SGCZ: variants seen among roughly 807,000 people sequenced by gnomAD.
SGCZ encodes sarcoglycan zeta.
SGCZ carries 40 observed loss-of-function variants against 41.3 expected under a neutral mutation model. The ratio of observed to expected loss-of-function variants is 0.97; its 90% CI spans 0.75 to 1.26. The LOEUF (loss-of-function observed/expected upper bound fraction) is 1.26, where lower values mean the gene tolerates loss of function less well. SGCZ is among the 50% of genes most tolerant of loss of function. SGCZ has a pLI of 0.00. For synonymous variants in SGCZ, 206 were observed against 137.5 expected, an observed-to-expected ratio of 1.50 and a Z score of -3.49; for missense variants, 552 against 369.8, an observed-to-expected ratio of 1.49 and a Z score of -4.04.
chr8:14,899,867 A>AGAAGAAGAAGAAGAG (rs754251454), intron 1 of SGCZ, among the ~76,000 whole-genome samples: 1 of 151,692 alleles, frequency 6.6e-6, no homozygotes, highest in African/African-American at 2.4e-5. Context: ...AAGAAGAAGA[A>AGAAGAAGAAGAAGAG]GAGGAGGAGG....
In SGCZ at chr8:14,089,061, C is replaced by G. The variant is rs1468486503; in HGVS notation, c.*1382G>C. ...CTTAATACAGTTTTACATTCTTTGA[C>G]TCTGTAAGTTTCAAGAGTTTGAGTT... is the stretch of plus-strand genomic sequence containing the variant. On this transcript the variant is annotated 3_prime_UTR_variant, in exon 8 of 8. Transcript: ENST00000382080. Among the ~76,000 whole-genome samples, 1 of 151,924 alleles carries G rather than the reference C, an allele frequency of 6.6e-6. No homozygotes were observed. Among genetic ancestry groups the G allele is most frequent in the Non-Finnish European group, 1.5e-5 (1 of 67,924 alleles).
chr8:15,171,251 G>C (rs1398749131), intron 1 of SGCZ, among the ~76,000 whole-genome samples: 9 of 152,140 alleles, frequency 5.9e-5, no homozygotes, highest in South Asian at 4.1e-4. Flanking sequence ...TATTTTAAAA[G>C]CTTAAAGTTG....
At chr8:14,933,367 G>A (rs551446458) in intron 1 of SGCZ, among the ~76,000 whole-genome samples, 15 of 151,436 alleles carry the variant, frequency 9.9e-5, no homozygotes, top group South Asian at 2.1e-4. Context: ...TGAGCTCTCT[G>A]CAAAAATGGA....
chr8:14,665,147 T>G (rs1563188370), intron 1 of SGCZ, among the ~76,000 whole-genome samples: 1 of 152,210 alleles, frequency 6.6e-6, no homozygotes, highest in South Asian at 2.1e-4. Context: ...TATCTCCTAA[T>G]GCTATCCCTC....
At chr8:14,149,751 G>GTAA (rs1349289983) in intron 5 of SGCZ, among the ~76,000 whole-genome samples, 1 of 151,706 alleles carries the variant, frequency 6.6e-6, no homozygotes, top group Non-Finnish European at 1.5e-5. Flanking sequence ...TGAAACTGGA[G>GTAA]TAATACATCA....
chr8:14,252,986 T>C (rs1259231940), intron 3 of SGCZ, among the ~76,000 whole-genome samples: 3 of 152,194 alleles, frequency 2.0e-5, no homozygotes, highest in African/African-American at 7.2e-5. Context: ...TTTCAGAACA[T>C]ACAGCCTGTG....
chr8:14,630,107 C>G (rs573770937), intron 1 of SGCZ, among the ~76,000 whole-genome samples: 12 of 152,226 alleles, frequency 7.9e-5, no homozygotes, highest in African/African-American at 2.9e-4. Flanking sequence ...TTGTTAGTTT[C>G]TTGCCTCATC....
chr8:14,865,920 G>C (rs111259651), intron 1 of SGCZ, among the ~76,000 whole-genome samples: 2,181 of 152,104 alleles, frequency 0.014, 59 homozygotes, highest in African/African-American at 0.049. Flanking sequence ...CGACACCTTG[G>C]GGACCCCTTG....
chr8:14,240,396 T>G (rs1308702842), intron 3 of SGCZ, among the ~76,000 whole-genome samples: 1 of 151,670 alleles, frequency 6.6e-6, no homozygotes, highest in African/African-American at 2.4e-5. Flanking sequence ...GCATCTTTGT[T>G]TGCAACATAG....
At chr8:14,848,214 C>T (rs955515205) in intron 1 of SGCZ, among the ~76,000 whole-genome samples, 4 of 151,780 alleles carry the variant, frequency 2.6e-5, no homozygotes, top group Non-Finnish European at 2.9e-5. Flanking sequence ...TGAAAGAGGG[C>T]AAAATAAAGG....
chr8:14,337,985 T>C (rs986036759), intron 2 of SGCZ, among the ~76,000 whole-genome samples: 1 of 152,168 alleles, frequency 6.6e-6, no homozygotes, highest in Non-Finnish European at 1.5e-5. Context: ...TAATAACTCT[T>C]GCTGTCCATG....
intron 2 of SGCZ, among the ~76,000 whole-genome samples, chr8:14,387,433 C>A (rs1475506428): frequency 1.3e-5 from 2 of 152,098 alleles, no homozygotes; most frequent in Admixed American, 6.6e-5. Context: ...TGTCAAAAAC[C>A]TTTACTTGTC....
At chr8:14,465,001 T>C (rs552060150) in intron 2 of SGCZ, among the ~76,000 whole-genome samples, 110 of 151,840 alleles carry the variant, frequency 7.2e-4, no homozygotes, top group African/African-American at 2.5e-3. Flanking sequence ...GGCAAACATA[T>C]GGTCTATCCT....
intron 4 of SGCZ, among the ~76,000 whole-genome samples, chr8:14,226,655 G>A (rs1472643535): frequency 6.6e-6 from 1 of 152,114 alleles, no homozygotes; most frequent in South Asian, 2.1e-4. Context: ...GGATAGAGCT[G>A]CTGTGAATAT....
intron 1 of SGCZ, among the ~76,000 whole-genome samples, chr8:14,759,514 A>G (rs1337970514): frequency 6.6e-6 from 1 of 152,200 alleles, no homozygotes; most frequent in African/African-American, 2.4e-5. Flanking sequence ...AGATCATTAA[A>G]AGTTCACAGA....
At chr8:15,172,579 T>G (rs559279650) in intron 1 of SGCZ, among the ~76,000 whole-genome samples, 1 of 152,234 alleles carries the variant, frequency 6.6e-6, no homozygotes, top group East Asian at 1.9e-4. Flanking sequence ...AATCTAAAGT[T>G]TTTCCTTCAA....
At chr8:14,256,826 A>G (rs1799482818) in intron 3 of SGCZ, among the ~76,000 whole-genome samples, 1 of 152,190 alleles carries the variant, frequency 6.6e-6, no homozygotes, top group South Asian at 2.1e-4. Context: ...CAAACTGTCT[A>G]ATATTTACTC....
At chr8:14,451,235 G>T (rs10089641) in intron 2 of SGCZ, among the ~76,000 whole-genome samples, 49,261 of 151,996 alleles carry the variant, frequency 0.32, 8,429 homozygotes, top group African/African-American at 0.44. Context: ...TGTAGGAAAT[G>T]TAGCTACCTT....
intron 1 of SGCZ, among the ~76,000 whole-genome samples, chr8:14,981,931 T>G (rs928379086): frequency 6.6e-6 from 1 of 151,934 alleles, no homozygotes; most frequent in Non-Finnish European, 1.5e-5. Flanking sequence ...AGGCAGATCA[T>G]TGGAGGTCAG....
Sources: gnomAD v4.1 joint callset for allele counts (sites outside exome capture counted in the v4.1 genomes callset) on GRCh38, gnomAD v4.1.1 for gene constraint, MANE v1.5 for transcripts, NCBI Gene and HGNC (gene_info 2026-07-23, HGNC 2026-07-21) for gene names.